ZFYVE28: variants seen among roughly 807,000 people sequenced by gnomAD.
The protein encoded by ZFYVE28 is lateral signaling target protein 2 homolog.
A neutral mutation model predicts 82.1 loss-of-function variants in ZFYVE28; 40 were observed. That is an observed-to-expected ratio of 0.49 (90% CI 0.38 to 0.63). The LOEUF (loss-of-function observed/expected upper bound fraction) is 0.63, where lower values mean the gene tolerates loss of function less well. Among genes scored for constraint, ZFYVE28 ranks in the 30% least tolerant of loss-of-function variants. The probability of loss-of-function intolerance (pLI) is 0.00; values close to 1 mark genes in which losing one functional copy is unlikely to be tolerated. For missense variants in ZFYVE28, 1,321 were observed against 1,242.1 expected (o/e 1.06, Z -0.96); for synonymous variants, 612 against 546.1 (o/e 1.12, Z -1.68).
intron 1 of ZFYVE28, among the ~76,000 whole-genome samples, chr4:2,377,422 T>C (rs1294943978): frequency 6.6e-6 from 1 of 152,226 alleles, no homozygotes; most frequent in African/African-American, 2.4e-5. Context: ...CTTGCAGCTG[T>C]TTCTTTTATC....
At position 2,400,050 on chromosome 4, in the gene ZFYVE28, C is replaced by A. The variant is rs1731007913; in HGVS notation, c.39+18235G>T. Among the ~76,000 whole-genome samples the A allele has an allele frequency of 4.6e-5, 7 of 152,360 alleles. No individual in the cohort carries two copies. The South Asian group carries it at 1.2e-3, about 27-fold the overall frequency. On this transcript the variant is annotated intron_variant, in intron 1 of 12. Coordinates refer to ENST00000290974, the MANE Select transcript of ZFYVE28 (RefSeq NM_020972.3). Reference sequence around the variant, plus strand: ...CACGGCCGCTTCAGATGCTGCCTCTCCACATGGAGGGTCCTTCCCCGGAGC... The same window carrying A: ...CACGGCCGCTTCAGATGCTGCCTCTACACATGGAGGGTCCTTCCCCGGAGC...
At chr4:2,355,516 G>A (rs1021480896) in intron 1 of ZFYVE28, among the ~76,000 whole-genome samples, 6 of 150,752 alleles carry the variant, frequency 4.0e-5, no homozygotes, top group African/African-American at 7.3e-5. Flanking sequence ...TCCTGACCTC[G>A]TGATCCACCC....
At chr4:2,354,199 C>T (rs1724905796) in intron 1 of ZFYVE28, 126 bp from the exon 2 acceptor site, 2 of 1,097,120 alleles carry the variant, frequency 1.8e-6, no homozygotes, top group Admixed American at 7.9e-5. Context: ...CAGCAGCCGG[C>T]TCTTTTATCA....
At chr4:2,328,362 G>T (rs973403965) in intron 6 of ZFYVE28, among the ~76,000 whole-genome samples, 15 of 152,160 alleles carry the variant, frequency 9.9e-5, no homozygotes, top group Admixed American at 5.9e-4. Flanking sequence ...TGAACTTATA[G>T]AATCAGAGAG....
intron 1 of ZFYVE28, among the ~76,000 whole-genome samples, chr4:2,405,458 A>T (rs1731775344): frequency 6.6e-6 from 1 of 152,234 alleles, no homozygotes; most frequent in Admixed American, 6.5e-5. Flanking sequence ...TGGTCGACTG[A>T]TGGGTGCGCT....
chr4:2,277,857 A>G (rs917675875), intron 8 of ZFYVE28, among the ~76,000 whole-genome samples: 7 of 152,176 alleles, frequency 4.6e-5, no homozygotes, highest in African/African-American at 1.7e-4. Context: ...TTAATGTGGG[A>G]GTGACTCGAG....
intron 7 of ZFYVE28, among the ~76,000 whole-genome samples, chr4:2,307,518 G>A (rs900373047): frequency 2.0e-5 from 3 of 147,524 alleles, no homozygotes; most frequent in East Asian, 1.9e-4. Context: ...TTAAGTCATG[G>A]TCTTGCTCTG....
intron 6 of ZFYVE28, among the ~76,000 whole-genome samples, chr4:2,322,236 A>G (rs992477482): frequency 2.0e-5 from 3 of 151,844 alleles, no homozygotes; most frequent in Non-Finnish European, 2.9e-5. Flanking sequence ...GGCGGCTGCC[A>G]GAGACTCAGC....
intron 1 of ZFYVE28, among the ~76,000 whole-genome samples, chr4:2,403,776 C>A (rs185712260): frequency 6.6e-6 from 1 of 151,946 alleles, no homozygotes; most frequent in Admixed American, 6.6e-5. Context: ...ACCAGCCTGG[C>A]CAACATGGTG....
At chr4:2,380,442 A>G (rs565247798) in intron 1 of ZFYVE28, among the ~76,000 whole-genome samples, 2 of 152,256 alleles carry the variant, frequency 1.3e-5, no homozygotes, top group Non-Finnish European at 2.9e-5. Context: ...ACCAAAAGTC[A>G]TTCTTAACGC....
chr4:2,308,657 G>GAAAGAAAGAA (rs1184364131), intron 7 of ZFYVE28, among the ~76,000 whole-genome samples: 2 of 100,466 alleles, frequency 2.0e-5, no homozygotes, highest in Non-Finnish European at 4.1e-5. Context: ...AAGAAAGAAA[G>GAAAGAAAGAA]AAAGAAAGAA....
At chr4:2,289,086 C>T (rs1004745300) in intron 8 of ZFYVE28, among the ~76,000 whole-genome samples, 2 of 152,258 alleles carry the variant, frequency 1.3e-5, no homozygotes, top group African/African-American at 4.8e-5. Flanking sequence ...AGTTCGAGAC[C>T]AGCCTGGCCA....
In ZFYVE28 at chr4:2,381,894, G is replaced by C. The variant is rs76580105; in HGVS notation, c.40-27821C>G. ...AAGCCCAGAGGCCTAGGGGAAAATG[G>C]TTTCATGGGCCAGGCCCAGGGTCCC... On this transcript the variant is annotated intron_variant, in intron 1 of 12. Transcript: ENST00000290974. Among the ~76,000 whole-genome samples, 780 of 152,330 alleles carry C rather than the reference G, an allele frequency of 5.1e-3. 8 individuals carry two copies. The highest frequency in any genetic ancestry group is 0.018 in the African/African-American group (739 of 41,574).
intron 1 of ZFYVE28, among the ~76,000 whole-genome samples, chr4:2,384,850 C>G (rs1192289903): frequency 6.6e-6 from 1 of 152,204 alleles, no homozygotes; most frequent in Non-Finnish European, 1.5e-5. Context: ...CCACTCTGCA[C>G]AAGGAGTCAC....
intron 8 of ZFYVE28, among the ~76,000 whole-genome samples, chr4:2,301,227 G>A (rs537414729): frequency 5.9e-5 from 9 of 152,264 alleles, no homozygotes; most frequent in South Asian, 4.1e-4. Context: ...CAGCCACCCC[G>A]GAACATGCTT....
At chr4:2,384,756 A>G (rs1277421831) in intron 1 of ZFYVE28, among the ~76,000 whole-genome samples, 1 of 152,220 alleles carries the variant, frequency 6.6e-6, no homozygotes, top group Non-Finnish European at 1.5e-5. Flanking sequence ...AAAAATCTTT[A>G]TTTAATTCAG....
rs746747926 is a variant in ZFYVE28, at chr4:2,339,536, C to T, written c.438G>A (p.Ala146=). 11 of 1,613,628 alleles carry T rather than the reference C, an allele frequency of 6.8e-6. No homozygotes were observed. Among genetic ancestry groups the T allele is most frequent in the Middle Eastern group, 1.6e-4 (1 of 6,084 alleles). Reference sequence around the variant, plus strand: ...CTGTGTAGGTGTTCAGGTCCCGCAGCGCCTGGTCACGGAGGGCGCCCCGCA... The same window carrying T: ...CTGTGTAGGTGTTCAGGTCCCGCAGTGCCTGGTCACGGAGGGCGCCCCGCA... ...EDVRGALRDQ[A]LRDLNTYTEK... The change falls in exon 4 of 13, where the codon GCG becomes GCA. Residue 146 remains alanine (A), a synonymous_variant. Coordinates refer to ENST00000290974, the MANE Select transcript of ZFYVE28 (RefSeq NM_020972.3). This position sits in a 1 kb window ranked among gnomAD's most constrained non-coding sequence, Gnocchi z 5.0.
intron 1 of ZFYVE28, chr4:2,364,932 C>G: frequency 1.0e-6 from 1 of 982,386 alleles, no homozygotes; most frequent in Non-Finnish European, 1.2e-6. Flanking sequence ...GGGGCGGGGC[C>G]CAGCAGGGGC....
intron 7 of ZFYVE28, among the ~76,000 whole-genome samples, chr4:2,311,453 G>C (rs568125940): frequency 8.7e-4 from 132 of 152,184 alleles, no homozygotes; most frequent in Middle Eastern, 3.4e-3. Context: ...TTAAACCTGG[G>C]AGGCAGAGGC....
Sources: gnomAD v4.1 joint callset for allele counts (sites outside exome capture counted in the v4.1 genomes callset) on GRCh38, gnomAD v4.1.1 for gene constraint, Gnocchi (gnomAD v3.1) non-coding constraint, MANE v1.5 for transcripts, NCBI Gene and HGNC (gene_info 2026-07-23, HGNC 2026-07-21) for gene names.